Variants in ACAP2 observed in about 807,000 individuals in gnomAD.
ACAP2 encodes the protein arf-GAP with coiled-coil, ANK repeat and PH domain-containing protein 2.
ACAP2 carries 39 observed loss-of-function variants against 115.8 expected under a neutral mutation model. The observed-to-expected ratio is 0.34, with a 90% confidence interval of 0.26 to 0.44. The LOEUF is 0.44. ACAP2 is among the 20% of genes least tolerant of loss of function. The pLI is 1.00. For synonymous variants in ACAP2, 289 were observed against 315.8 expected, an observed-to-expected ratio of 0.92 and a Z score of 0.90; for missense variants, 662 against 927.6, an observed-to-expected ratio of 0.71 and a Z score of 3.72.
At chr3:195,404,363 G>A (rs1269401534) in intron 1 of ACAP2, among the ~76,000 whole-genome samples, 1 of 152,046 alleles carries the variant, frequency 6.6e-6, no homozygotes, top group African/African-American at 2.4e-5. Context: ...AAACACTTCT[G>A]GCCTGATATT....
chr3:195,411,991 C>T (rs913782127), intron 1 of ACAP2, among the ~76,000 whole-genome samples: 2 of 150,566 alleles, frequency 1.3e-5, no homozygotes, highest in Non-Finnish European at 3.0e-5. Flanking sequence ...ACCACACAGA[C>T]CTGCCAGCAA....
chr3:195,349,832 T>C (rs1731432528), intron 4 of ACAP2: 1 of 359,220 alleles, frequency 2.8e-6, no homozygotes, highest in East Asian at 9.1e-5. Flanking sequence ...ATGGGAATTC[T>C]AGATGTGCGC....
rs772590607 is a variant in ACAP2 at position 195,342,529 on chromosome 3, T to C, written c.470A>G (p.Asn157Ser). 11 of 1,612,686 alleles carry C rather than the reference T, an allele frequency of 6.8e-6. No homozygotes were observed. The highest frequency in any genetic ancestry group is 4.5e-5 in the East Asian group (2 of 44,846). ...NKQHEVEEAT[N>S]ILTATRKCFR... The stretch of plus-strand genomic sequence containing the variant: ...ACATTTTCTTGTTGCTGTCAGAATG[T>C]TGGTGGCTTCTTCAACTTCATGTTG... Residue 157 changes from asparagine to serine, a missense_variant, in exon 6 of 23, where the codon AAC (asparagine) becomes AGC (serine). Transcript: ENST00000326793.
intron 13 of ACAP2, among the ~76,000 whole-genome samples, chr3:195,304,285 T>G (rs1036467754): frequency 2.0e-5 from 3 of 151,998 alleles, no homozygotes; most frequent in African/African-American, 7.3e-5. Context: ...TTAGCAATTA[T>G]GTAAGGAAAG....
At chr3:195,315,856 G>T (rs55927338) in intron 10 of ACAP2, among the ~76,000 whole-genome samples, 68,846 of 151,502 alleles carry the variant, frequency 0.45, 17,129 homozygotes, top group Middle Eastern at 0.68. Flanking sequence ...TAATATCTAT[G>T]CCAATGTAAT....
intron 4 of ACAP2, among the ~76,000 whole-genome samples, chr3:195,354,200 C>A (rs1446306683): frequency 6.6e-6 from 1 of 152,172 alleles, no homozygotes; most frequent in Admixed American, 6.5e-5. Context: ...GCATAGTATT[C>A]CATAGTGTAT....
intron 15 of ACAP2, 75 bp downstream of exon 15, chr3:195,301,500 T>G (rs1371962608): frequency 3.4e-6 from 4 of 1,178,612 alleles, no homozygotes; most frequent in Non-Finnish European, 4.9e-6. Context: ...AACTCACACA[T>G]TTGTAAACCA....
chr3:195,371,401 T>C (rs768905011), intron 4 of ACAP2, among the ~76,000 whole-genome samples: 3 of 152,190 alleles, frequency 2.0e-5, no homozygotes, highest in Non-Finnish European at 4.4e-5. Context: ...TTTTTGCATG[T>C]TATGTATCCT....
Position 195,294,633 on chromosome 3 carries a change from T to TATATATATATATAA in ACAP2, c.1765+85_1765+86insTTATATATATATAT, listed in dbSNP as rs1560209956. ...ATTATATATATATATATATATATAA[T>TATATATATATATAA]TTTTTTTTTAATCAAAGGTAAACAT... On this transcript the variant is annotated intron_variant, in intron 18 of 22. Transcript: ENST00000326793. 3 of 208,702 alleles carry TATATATATATATAA rather than the reference T, an allele frequency of 1.4e-5. No homozygotes were observed. The East Asian group carries it at 4.2e-4, about 29-fold the overall frequency. The allele number at this position is 208,702 out of a possible 1,614,324, so 12.9% of individuals were successfully genotyped here.
At chr3:195,394,357 C>G (rs1711569261) in intron 1 of ACAP2, among the ~76,000 whole-genome samples, 1 of 152,214 alleles carries the variant, frequency 6.6e-6, no homozygotes, top group African/African-American at 2.4e-5. Flanking sequence ...TTTATCTTTA[C>G]TCAGTCTTCC....
rs1727626499 is a variant in ACAP2, at chr3:195,295,838, A to T, written c.1542T>A (p.Asp514Glu). Residue 514 changes from aspartate to glutamate, a missense_variant, in exon 17 of 23, where the codon GAT becomes GAA. Transcript: ENST00000326793. ...GAGGTGATAATGATATAGAATATTTATCCACAAATTTCCTCTCCACATATT... is the reference window on the plus strand; with the variant it reads ...GAGGTGATAATGATATAGAATATTTTTCCACAAATTTCCTCTCCACATATT... The part of the protein sequence containing the change: ...RAKYVERKFV[D>E]KYSISLSPPE... 3 of 1,613,948 alleles carry T rather than the reference A, an allele frequency of 1.9e-6. No individual in the cohort carries two copies. In the East Asian group the frequency reaches 6.7e-5, roughly 36 times the overall value.
intron 1 of ACAP2, among the ~76,000 whole-genome samples, chr3:195,420,052 A>G (rs995623552): frequency 1.3e-5 from 2 of 152,174 alleles, no homozygotes; most frequent in East Asian, 3.8e-4. Context: ...TATACATTAG[A>G]AAGAATTTAT....
chr3:195,425,888 T>G (rs1284525230), intron 1 of ACAP2, among the ~76,000 whole-genome samples: 1 of 152,224 alleles, frequency 6.6e-6, no homozygotes, highest in East Asian at 1.9e-4. Context: ...TGGCCCAGCC[T>G]GATAACTAGT....
intron 1 of ACAP2, among the ~76,000 whole-genome samples, chr3:195,403,132 C>G (rs916064264): frequency 1.3e-5 from 2 of 152,116 alleles, no homozygotes; most frequent in Non-Finnish European, 2.9e-5. Flanking sequence ...TGACCAAAGA[C>G]CTGAAGTAAC....
intron 10 of ACAP2, among the ~76,000 whole-genome samples, chr3:195,310,820 G>A (rs74319644): frequency 0.022 from 3,289 of 151,976 alleles, 117 homozygotes; most frequent in East Asian, 0.1. Context: ...TCATAACATC[G>A]ATTTTTATAA....
Position 195,336,992 on chromosome 3 carries a change from C to T in ACAP2, c.529-16G>A, listed in dbSNP as rs1003779257. 10 of 1,606,990 alleles carry T rather than the reference C, an allele frequency of 6.2e-6. No individual in the cohort carries two copies. The highest frequency in any genetic ancestry group is 1.7e-5 in the Admixed American group (1 of 58,948). On this transcript the variant is annotated splice_polypyrimidine_tract_variant and intron_variant, in intron 6 of 22. Coordinates refer to ENST00000326793, the MANE Select transcript of ACAP2 (RefSeq NM_012287.6). Reference sequence around the variant, plus strand: ...GAACATTAATCTGAGGGAAAACACACGTGGTTAATCACCCATGCATTATTT... The same window carrying T: ...GAACATTAATCTGAGGGAAAACACATGTGGTTAATCACCCATGCATTATTT...
rs1382183009 is a variant in ACAP2 at position 195,301,564 on chromosome 3, A to C, written c.1395+11T>G. The C allele has an allele frequency of 6.3e-7, 1 of 1,582,490 alleles. No individual in the cohort carries two copies. Among genetic ancestry groups the C allele is most frequent in the Non-Finnish European group, 8.6e-7 (1 of 1,164,078 alleles). On this transcript the variant is annotated intron_variant, in intron 15 of 22. Coordinates refer to ENST00000326793, the MANE Select transcript of ACAP2 (RefSeq NM_012287.6). Reference sequence around the variant, plus strand: ...AAATATGAAATATTTTAAAGCAAAAATTTTTTTTACCTTTAAAAGTTCTGG... The same window carrying C: ...AAATATGAAATATTTTAAAGCAAAACTTTTTTTTACCTTTAAAAGTTCTGG...
At chr3:195,348,213 G>A (rs1164026181) in intron 4 of ACAP2, among the ~76,000 whole-genome samples, 2 of 151,764 alleles carry the variant, frequency 1.3e-5, no homozygotes, top group African/African-American at 4.8e-5. Context: ...ATACCTTTGG[G>A]GTGAGTATAT....
rs111687864 is a variant in ACAP2, at chr3:195,295,702, C to T, written c.1672+6G>A. On this transcript the variant is annotated splice_donor_region_variant and intron_variant, in intron 17 of 22. Transcript: ENST00000326793. ...GCTATAGACACAGTAAGAAAGTTTG[C>T]CATACCTGAACTTTGGGCAGATGCT... 2.3e-5 allele frequency: 37 copies of T among 1,613,818 alleles called. No individual in the cohort carries two copies. The highest frequency in any genetic ancestry group is 3.1e-5 in the Non-Finnish European group (37 of 1,179,914).
Sources: gnomAD v4.1 joint callset for allele counts (sites outside exome capture counted in the v4.1 genomes callset) on GRCh38, gnomAD v4.1.1 for gene constraint, MANE v1.5 for transcripts, NCBI Gene and HGNC (gene_info 2026-07-23, HGNC 2026-07-21) for gene names.